The following ELMO1 variants were observed in gnomAD, a reference collection of about 807,000 sequenced individuals.
ELMO1 encodes the protein engulfment and cell motility protein 1.
A neutral mutation model predicts 98.9 loss-of-function variants in ELMO1; 26 were observed. That is an observed-to-expected ratio of 0.26 (90% confidence interval 0.19 to 0.36). The LOEUF (loss-of-function observed/expected upper bound fraction) is 0.36. Among genes scored for constraint, ELMO1 ranks in the 10% least tolerant of loss-of-function variants. The probability of loss-of-function intolerance (pLI) is 1.00; values close to 1 mark genes in which losing one functional copy is unlikely to be tolerated. For synonymous variants in ELMO1, 346 were observed against 346.0 expected, an observed-to-expected ratio of 1.00 and a Z score of 0.00; for missense variants, 627 against 935.2, an observed-to-expected ratio of 0.67 and a Z score of 4.30.
At chr7:37,170,796 G>T (rs758497292) in intron 13 of ELMO1, among the ~76,000 whole-genome samples, 1 of 151,864 alleles carries the variant, frequency 6.6e-6, no homozygotes, top group Non-Finnish European at 1.5e-5. Context: ...TAGTAGAGAC[G>T]GGGTTTCAAC....
At chr7:37,118,103 G>A (rs1785725254) in intron 14 of ELMO1, among the ~76,000 whole-genome samples, 1 of 152,186 alleles carries the variant, frequency 6.6e-6, no homozygotes, top group Non-Finnish European at 1.5e-5. Flanking sequence ...ATTACACACT[G>A]TCCTGTAATT....
intron 13 of ELMO1, among the ~76,000 whole-genome samples, chr7:37,199,116 T>C (rs1397681503): frequency 6.6e-6 from 1 of 152,204 alleles, no homozygotes; most frequent in Non-Finnish European, 1.5e-5. Context: ...CAATGCGTGC[T>C]AAATAGGAAA....
At chr7:37,387,193 G>A (rs1802842780) in intron 1 of ELMO1, among the ~76,000 whole-genome samples, 1 of 152,218 alleles carries the variant, frequency 6.6e-6, no homozygotes, top group Non-Finnish European at 1.5e-5. Flanking sequence ...GAAGTCTGAG[G>A]TACTAAACTC....
intron 13 of ELMO1, among the ~76,000 whole-genome samples, chr7:37,149,744 G>A (rs867188767): frequency 9.9e-5 from 15 of 152,198 alleles, no homozygotes; most frequent in Middle Eastern, 3.4e-3. Flanking sequence ...TCCTCCCAGC[G>A]ACCCATGAAT....
chr7:37,182,121 G>A (rs1790902943), intron 13 of ELMO1, among the ~76,000 whole-genome samples: 2 of 152,186 alleles, frequency 1.3e-5, no homozygotes, highest in Non-Finnish European at 2.9e-5. Context: ...GGTTTGGTGT[G>A]GGCTTCCCAC....
chr7:37,300,752 C>A (rs200652275), intron 4 of ELMO1, among the ~76,000 whole-genome samples: 4 of 147,794 alleles, frequency 2.7e-5, no homozygotes, highest in Non-Finnish European at 6.0e-5. Context: ...TGTCTCTGCC[C>A]GGCTTTGGTA....
At chr7:37,425,451 A>G (rs1321611311) in intron 1 of ELMO1, among the ~76,000 whole-genome samples, 4 of 152,248 alleles carry the variant, frequency 2.6e-5, no homozygotes, top group Non-Finnish European at 4.4e-5. Context: ...TCAGTGCATC[A>G]TGATAGTTAT....
intron 15 of ELMO1, among the ~76,000 whole-genome samples, chr7:37,039,537 A>G (rs1795381936): frequency 6.6e-6 from 1 of 152,360 alleles, no homozygotes; most frequent in East Asian, 1.9e-4. Context: ...CTGAGAGGGC[A>G]GTTTGGACTT....
chr7:36,877,902 T>C (rs138684158), intron 19 of ELMO1, 108 bp downstream of exon 19: 15 of 801,430 alleles, frequency 1.9e-5, no homozygotes, highest in African/African-American at 3.5e-5. Flanking sequence ...CTAGATGAGA[T>C]GTGTTCAAAG....
chr7:36,856,422 C>T (rs1311641153), intron 21 of ELMO1, among the ~76,000 whole-genome samples: 2 of 152,172 alleles, frequency 1.3e-5, no homozygotes, highest in African/African-American at 2.4e-5. Flanking sequence ...GTCTGGGGAC[C>T]TCTTTAGCCT....
chr7:37,167,199 T>C (rs1342140943), intron 13 of ELMO1, among the ~76,000 whole-genome samples: 2 of 151,976 alleles, frequency 1.3e-5, no homozygotes, highest in African/African-American at 4.8e-5. Flanking sequence ...TGGTAGATCT[T>C]CCTCCATCCC....
chr7:37,123,491 G>A (rs141132106), intron 14 of ELMO1, among the ~76,000 whole-genome samples: 1,966 of 152,146 alleles, frequency 0.013, 49 homozygotes, highest in African/African-American at 0.045. Flanking sequence ...AACTACCATC[G>A]GAGAATACTA....
intron 13 of ELMO1, among the ~76,000 whole-genome samples, chr7:37,141,782 G>A (rs1047558626): frequency 2.3e-5 from 3 of 130,296 alleles, no homozygotes; most frequent in African/African-American, 8.3e-5. Flanking sequence ...TTTGGTGCTG[G>A]AAGGCCTTTC....
At chr7:36,954,522 A>G (rs973711067) in intron 16 of ELMO1, among the ~76,000 whole-genome samples, 2 of 152,106 alleles carry the variant, frequency 1.3e-5, no homozygotes, top group Admixed American at 6.5e-5. Context: ...CTGTTCTTGG[A>G]TCCTCCCCCA....
At chr7:37,158,782 G>A (rs951694732) in intron 13 of ELMO1, among the ~76,000 whole-genome samples, 3 of 152,166 alleles carry the variant, frequency 2.0e-5, no homozygotes, top group African/African-American at 7.2e-5. Flanking sequence ...AATACCATTT[G>A]ACCCAGCCAT....
At chr7:37,211,165 C>T (rs1013689660) in intron 13 of ELMO1, 8 of 561,952 alleles carry the variant, frequency 1.4e-5, no homozygotes, top group African/African-American at 1.1e-4. Context: ...ACTGAATAAA[C>T]AAATGCAGTA....
intron 2 of ELMO1, among the ~76,000 whole-genome samples, chr7:37,320,020 C>T (rs543400070): frequency 1.7e-4 from 26 of 152,210 alleles, no homozygotes; most frequent in African/African-American, 3.9e-4. Context: ...CTTTGGGAGG[C>T]GGAGGTGGGC....
intron 16 of ELMO1, among the ~76,000 whole-genome samples, chr7:36,922,898 C>G (rs1461698820): frequency 1.3e-5 from 2 of 152,214 alleles, no homozygotes; most frequent in African/African-American, 4.8e-5. Context: ...AATGCACCTC[C>G]TGTCTTTCTT....
intron 13 of ELMO1, among the ~76,000 whole-genome samples, chr7:37,163,021 CT>C (rs1369846582): frequency 6.6e-6 from 1 of 152,158 alleles, no homozygotes; most frequent in Admixed American, 6.5e-5. Context: ...ATATGCTGCT[CT>C]ACTTGGTTGC....
Sources: allele counts gnomAD v4.1 joint callset (sites outside exome capture counted in the v4.1 genomes callset), GRCh38; gene constraint gnomAD v4.1.1; transcripts MANE v1.5; gene names NCBI Gene and HGNC (gene_info 2026-07-23, HGNC 2026-07-21).